VPS13B: variants seen among roughly 807,000 people sequenced by gnomAD.
The protein encoded by VPS13B is intermembrane lipid transfer protein VPS13B.
Under a neutral mutation model 426.4 loss-of-function variants are expected in VPS13B, and 285 were observed. That is an observed-to-expected ratio of 0.67 (90% CI 0.61 to 0.74). The LOEUF (loss-of-function observed/expected upper bound fraction) is 0.74. Among genes scored for constraint, VPS13B ranks in the 30% least tolerant of loss-of-function variants. The pLI, the probability that VPS13B is intolerant of heterozygous loss-of-function variation, is 0.00. For missense variants in VPS13B, 4,537 were observed against 4,782.6 expected (o/e 0.95, Z 1.51); for synonymous variants, 1,676 against 1,676.4 (o/e 1.00, Z 0.01).
chr8:99,743,844 T>C (rs1413499176), intron 39 of VPS13B, among the ~76,000 whole-genome samples: 4 of 152,196 alleles, frequency 2.6e-5, no homozygotes, highest in Non-Finnish European at 5.9e-5. Context: ...ATTAAAGACT[T>C]ACATGTTAGA....
intron 60 of VPS13B, chr8:99,871,167 C>G: frequency 1.7e-6 from 1 of 601,522 alleles, no homozygotes; most frequent in Non-Finnish European, 2.9e-6. Context: ...GCCTGAGATT[C>G]CCTGTGGAAC....
intron 39 of VPS13B, among the ~76,000 whole-genome samples, chr8:99,766,284 A>C (rs189088780): frequency 1.3e-5 from 2 of 151,944 alleles, no homozygotes; most frequent in African/African-American, 4.8e-5. Flanking sequence ...GGGTTTCACC[A>C]CGTTGGCCAG....
At chr8:99,291,312 A>G (rs985632464) in intron 19 of VPS13B, among the ~76,000 whole-genome samples, 4 of 152,128 alleles carry the variant, frequency 2.6e-5, no homozygotes, top group Non-Finnish European at 5.9e-5. Context: ...CTTTAGGGTA[A>G]TAGAAGCAAT....
chr8:99,786,108 G>C (rs529793014), intron 43 of VPS13B, among the ~76,000 whole-genome samples: 9 of 152,236 alleles, frequency 5.9e-5, no homozygotes, highest in Admixed American at 5.9e-4. Context: ...AGAACAACTG[G>C]CTCAGGAGTG....
intron 17 of VPS13B, among the ~76,000 whole-genome samples, chr8:99,244,684 A>G (rs1439051660): frequency 2.0e-5 from 3 of 152,236 alleles, no homozygotes; most frequent in Non-Finnish European, 2.9e-5. Flanking sequence ...TAGTTCTATA[A>G]TAACACTAAG....
chr8:99,188,053 A>AT (rs60360700), intron 16 of VPS13B, among the ~76,000 whole-genome samples: 5,481 of 112,666 alleles, frequency 0.049, 505 homozygotes, highest in African/African-American at 0.17. Context: ...TTGTTTGGAC[A>AT]TTTTTTTTTT....
At chr8:99,802,299 C>G (rs1171900861) in intron 43 of VPS13B, among the ~76,000 whole-genome samples, 1 of 152,004 alleles carries the variant, frequency 6.6e-6, no homozygotes, top group Non-Finnish European at 1.5e-5. Context: ...CAGAGATGAA[C>G]TGAAGATCAT....
chr8:99,153,673 A>G (rs1811196313), intron 14 of VPS13B, among the ~76,000 whole-genome samples: 1 of 152,150 alleles, frequency 6.6e-6, no homozygotes, highest in African/African-American at 2.4e-5. Context: ...GCCACACACA[A>G]TCATACGTAA....
intron 23 of VPS13B, among the ~76,000 whole-genome samples, chr8:99,454,307 A>G (rs2133469938): frequency 6.6e-6 from 1 of 152,136 alleles, no homozygotes; most frequent in East Asian, 1.9e-4. Flanking sequence ...GAGGAGGACT[A>G]TTTGCCACCT....
At chr8:99,289,062 T>TGAATGAATGAATGAATGAATGAAA (rs1384234294) in intron 19 of VPS13B, among the ~76,000 whole-genome samples, 2 of 148,822 alleles carry the variant, frequency 1.3e-5, no homozygotes, top group East Asian at 2.0e-4. Flanking sequence ...AATGAATGAA[T>TGAATGAATGAATGAATGAATGAAA]GAAAGAAGGA....
intron 14 of VPS13B, among the ~76,000 whole-genome samples, chr8:99,149,476 C>G (rs1484970221): frequency 6.6e-6 from 1 of 152,116 alleles, no homozygotes; most frequent in Non-Finnish European, 1.5e-5. Context: ...TGCCACCACG[C>G]CCGACTAATT....
intron 34 of VPS13B, among the ~76,000 whole-genome samples, chr8:99,656,982 C>T (rs1012936993): frequency 6.6e-6 from 1 of 152,172 alleles, no homozygotes; most frequent in Non-Finnish European, 1.5e-5. Context: ...CCTGTAAATT[C>T]AGGCATACTT....
intron 44 of VPS13B, 95 bp downstream of exon 44, chr8:99,809,625 T>A (rs1186621589): frequency 4.2e-6 from 6 of 1,441,820 alleles, no homozygotes; most frequent in Non-Finnish European, 5.8e-6. Context: ...TCACAGTGGT[T>A]ATGCCTAGTT....
At chr8:99,376,318 A>G (rs556320956) in intron 19 of VPS13B, among the ~76,000 whole-genome samples, 119 of 152,332 alleles carry the variant, frequency 7.8e-4, no homozygotes, top group Non-Finnish European at 1.2e-3. Context: ...TGAATTGAGT[A>G]TATGATGAAA....
intron 18 of VPS13B, 91 bp from the exon 19 acceptor site, chr8:99,274,985 AATGTT>A: frequency 6.6e-6 from 7 of 1,068,444 alleles, no homozygotes; most frequent in African/African-American, 1.6e-5. Context: ...ATAAAGTTGA[AATGTT>A]ATATTATGGT....
At chr8:99,058,078 C>G (rs559267674) in intron 3 of VPS13B, among the ~76,000 whole-genome samples, 2 of 151,942 alleles carry the variant, frequency 1.3e-5, no homozygotes, top group Non-Finnish European at 2.9e-5. Flanking sequence ...TCCAGGTGTT[C>G]CCAAGTTTTT....
chr8:99,128,386 C>CA lies in VPS13B; in HGVS notation c.1207-6205dup, dbSNP rs71273165. On this transcript the variant is annotated intron_variant, in intron 8 of 61. Transcript: ENST00000357162. ...TGGGTGACAGAGCAAGATACTGTCC[C>CA]AAAAAAAAAAAAAAAAAAAAAAAAA... is the stretch of plus-strand genomic sequence containing the variant. Among the ~76,000 whole-genome samples the CA allele has an allele frequency of 4.4e-4, 15 of 34,220 alleles. 1 individual carries two copies. The highest frequency in any genetic ancestry group is 1.3e-3 in the African/African-American group (12 of 8,972). 22.4% of individuals were successfully genotyped at this position (34,220 alleles called of 152,430 possible). A position where few individuals can be genotyped will look rare whatever the true frequency, so the allele number is the denominator to read the frequency against.
chr8:99,179,769 C>G (rs749157340), intron 16 of VPS13B, among the ~76,000 whole-genome samples: 6 of 152,154 alleles, frequency 3.9e-5, no homozygotes, highest in Admixed American at 3.3e-4. Context: ...AACCTCGCAT[C>G]TGTTGTAGAC....
intron 19 of VPS13B, among the ~76,000 whole-genome samples, chr8:99,281,046 C>T (rs922104064): frequency 5.9e-5 from 9 of 152,168 alleles, no homozygotes; most frequent in Non-Finnish European, 1.2e-4. Context: ...GACAATTTTT[C>T]AATAGACTTG....
Sources: allele counts gnomAD v4.1 joint callset (sites outside exome capture counted in the v4.1 genomes callset), GRCh38; gene constraint gnomAD v4.1.1; transcripts MANE v1.5; gene names NCBI Gene and HGNC (gene_info 2026-07-23, HGNC 2026-07-21).